CASD1: variants seen among roughly 807,000 people sequenced by gnomAD.
CASD1 encodes N-acetylneuraminate (7)9-O-acetyltransferase.
Under a neutral mutation model 100.0 loss-of-function variants are expected in CASD1, and 41 were observed. That is an observed-to-expected ratio of 0.41 (90% CI 0.32 to 0.53). The LOEUF (loss-of-function observed/expected upper bound fraction) is 0.53. Among genes scored for constraint, CASD1 ranks in the 20% least tolerant of loss-of-function variants. CASD1 has a pLI of 0.25. For missense variants in CASD1, 774 were observed against 948.7 expected, an observed-to-expected ratio of 0.82 and a Z score of 2.42; for synonymous variants, 321 against 315.6, an observed-to-expected ratio of 1.02 and a Z score of -0.18.
the CASD1 span, among the ~76,000 whole-genome samples, chr7:94,580,072 C>T: frequency 2.6e-5 from 4 of 152,256 alleles, no homozygotes; most frequent in African/African-American, 7.2e-5. Flanking sequence ...CACCACTATC[C>T]GAGTCAAAGC....
rs756003089 is a variant in CASD1, at chr7:94,518,260, T to C, written c.288T>C (p.Ile96=). 1.9e-6 allele frequency: 3 copies of C among 1,578,876 alleles called. No homozygotes were observed. Among genetic ancestry groups the C allele is most frequent in the South Asian group, 2.4e-5 (2 of 84,342 alleles). ...KHIAFIGDSR[I]RQLFYSFVKI... is the part of the protein sequence containing the mutation. Reference sequence around the variant, plus strand: ...TTGCATTTATTGGAGATTCCAGAATTCGTCAATTGTTTTATTCTTTTGTAA... The same window carrying C: ...TTGCATTTATTGGAGATTCCAGAATCCGTCAATTGTTTTATTCTTTTGTAA... Residue 96 remains isoleucine, a synonymous_variant, in exon 3 of 18, where the codon ATT becomes ATC. Coordinates refer to ENST00000297273, the MANE Select transcript of CASD1 (RefSeq NM_022900.5).
chr7:94,581,270 A>G, the CASD1 span, among the ~76,000 whole-genome samples: 5 of 152,230 alleles, frequency 3.3e-5, no homozygotes, highest in Admixed American at 1.3e-4. Context: ...CACTGGCTGT[A>G]TATCAATGCC....
At chr7:94,587,027 T>C in the CASD1 span, 1 of 983,970 alleles carries the variant, frequency 1.0e-6, no homozygotes, top group South Asian at 4.7e-5. Flanking sequence ...TAGGCTCTAG[T>C]GTTAACTAAA....
At chr7:94,615,187 C>G in the CASD1 span, among the ~76,000 whole-genome samples, 73 of 152,198 alleles carry the variant, frequency 4.8e-4, no homozygotes, top group Non-Finnish European at 7.9e-4. Context: ...GGTGAAACCC[C>G]ATCTCTACTG....
the CASD1 span, among the ~76,000 whole-genome samples, chr7:94,604,321 T>A: frequency 6.6e-6 from 1 of 151,834 alleles, no homozygotes; most frequent in Non-Finnish European, 1.5e-5. Context: ...TAAAATGAAG[T>A]AAAACCATCA....
rs555185969 is a variant in CASD1, at chr7:94,540,170, C to G, written c.1356+1114C>G. On this transcript the variant is annotated intron_variant, in intron 10 of 17. Transcript: ENST00000297273. ...CTTTTGTGGCTGAGCCTAACAGCCA[C>G]TTTTCACACAAGTTTTTATAGTGAA... Among the ~76,000 whole-genome samples, 11 of 152,218 alleles carry G rather than the reference C, an allele frequency of 7.2e-5. No individual in the cohort carries two copies. In the East Asian group the frequency reaches 1.9e-3, roughly 27 times the overall value.
intron 3 of CASD1, chr7:94,524,364 A>G (rs1794439933): frequency 6.6e-6 from 1 of 152,140 alleles, no homozygotes; most frequent in Admixed American, 6.5e-5. Context: ...AATGAAAAAG[A>G]TAACCCAGTA....
the CASD1 span, chr7:94,585,496 T>C: frequency 6.2e-7 from 1 of 1,606,500 alleles, no homozygotes; most frequent in Non-Finnish European, 8.5e-7. Flanking sequence ...CAGTTTTCTT[T>C]CTTCAGGGAT....
intron 12 of CASD1, among the ~76,000 whole-genome samples, chr7:94,546,848 T>G (rs796782311): frequency 5.9e-5 from 9 of 151,966 alleles, no homozygotes; most frequent in African/African-American, 2.2e-4. Flanking sequence ...AATACATTTC[T>G]AATGGATGAA....
chr7:94,547,404 T>A (rs1795731452), intron 13 of CASD1, among the ~76,000 whole-genome samples: 1 of 151,906 alleles, frequency 6.6e-6, no homozygotes, highest in African/African-American at 2.4e-5. Context: ...CTGGCAGTTG[T>A]TCAAGATCCG....
At chr7:94,609,672 A>G in the CASD1 span, among the ~76,000 whole-genome samples, 17,964 of 152,284 alleles carry the variant, frequency 0.12, 1,406 homozygotes, top group South Asian at 0.24. Context: ...GAGATACGCA[A>G]CACACAGATT....
At chr7:94,538,095 C>T (rs919638288) in intron 9 of CASD1, among the ~76,000 whole-genome samples, 4 of 151,974 alleles carry the variant, frequency 2.6e-5, no homozygotes, top group African/African-American at 7.2e-5. Context: ...GTCAGAGTCA[C>T]GTGAAAATTG....
chr7:94,621,692 T>C, the CASD1 span: 2 of 152,350 alleles, frequency 1.3e-5, no homozygotes, highest in South Asian at 4.1e-4. Context: ...ACTTTATAAC[T>C]GTAATGATGA....
chr7:94,548,212 G>T (rs973090625), intron 13 of CASD1, among the ~76,000 whole-genome samples: 16 of 151,748 alleles, frequency 1.1e-4, no homozygotes, highest in African/African-American at 3.9e-4. Context: ...CTAGCGTTGG[G>T]TCAGTGTTGA....
the CASD1 span, chr7:94,628,213 T>C: frequency 6.2e-7 from 1 of 1,611,308 alleles, no homozygotes; most frequent in African/African-American, 1.3e-5. Flanking sequence ...TCAATGATTG[T>C]TGGCTTCCCC....
the CASD1 span, chr7:94,624,298 C>G: frequency 2.5e-6 from 1 of 397,514 alleles, no homozygotes; most frequent in Non-Finnish European, 4.4e-6. Flanking sequence ...AAATAAATAT[C>G]TTGTGCATTT....
the CASD1 span, chr7:94,587,243 T>C: frequency 1.0e-6 from 1 of 985,898 alleles, no homozygotes; most frequent in Middle Eastern, 5.2e-4. Context: ...GAGTACTTGC[T>C]AAAAAATCTA....
chr7:94,531,675 C>T (rs1173665147), intron 5 of CASD1, among the ~76,000 whole-genome samples: 2 of 151,974 alleles, frequency 1.3e-5, no homozygotes, highest in African/African-American at 4.8e-5. Context: ...TTATTTTTCT[C>T]TATATTTGTA....
chr7:94,523,417 A>G (rs1459401542), intron 3 of CASD1, among the ~76,000 whole-genome samples: 2 of 152,206 alleles, frequency 1.3e-5, no homozygotes, highest in Non-Finnish European at 2.9e-5. Flanking sequence ...CATGCCAACA[A>G]TGTAAAGTTC....
Sources: gnomAD v4.1 joint callset for allele counts (sites outside exome capture counted in the v4.1 genomes callset) on GRCh38, gnomAD v4.1.1 for gene constraint, MANE v1.5 for transcripts, NCBI Gene and HGNC (gene_info 2026-07-23, HGNC 2026-07-21) for gene names.